The following BRDT variants were observed in gnomAD, a reference collection of about 807,000 sequenced individuals.
BRDT encodes bromodomain testis-specific protein.
In BRDT, 77 loss-of-function variants were observed where a neutral mutation model predicts 113.9. The ratio of observed to expected loss-of-function variants is 0.68; its 90% CI spans 0.56 to 0.82. The LOEUF is 0.82. Among genes scored for constraint, BRDT ranks in the 40% least tolerant of loss-of-function variants. The pLI is 0.00. For missense variants in BRDT, 1,027 were observed against 1,105.4 expected (o/e 0.93, Z 1.01); for synonymous variants, 358 against 366.5 (o/e 0.98, Z 0.26).
Position 92,005,128 on chromosome 1 carries a change from G to A in BRDT, c.2604G>A (p.Gly868=), listed in dbSNP as rs750770737. The A allele has an allele frequency of 1.3e-5, 19 of 1,484,484 alleles. No homozygotes were observed. The highest frequency in any genetic ancestry group is 1.7e-5 in the Non-Finnish European group (19 of 1,121,572). 92.0% of individuals were successfully genotyped at this position (1,484,484 alleles called of 1,614,324 possible). ...KASQENQRDL[G]NGLTVESFSN... ...ACTTTTTTTCTTTAAGGGATCTTGG[G>A]AATGGATTGACTGTAGAATCTTTTT... The change falls in exon 18 of 19, where the codon GGG becomes GGA. Residue 868 remains glycine (G), a synonymous_variant. Coordinates refer to ENST00000399546, the MANE Select transcript of BRDT (RefSeq NM_207189.4).
intron 1 of BRDT, among the ~76,000 whole-genome samples, chr1:91,961,803 T>A (rs1682477474): frequency 6.6e-6 from 1 of 152,148 alleles, no homozygotes; most frequent in African/African-American, 2.4e-5. Context: ...CTTTTCCTGC[T>A]AAGACCTCAA....
chr1:91,954,013 C>T (rs1032841594), intron 1 of BRDT, among the ~76,000 whole-genome samples: 4 of 151,808 alleles, frequency 2.6e-5, no homozygotes, highest in Non-Finnish European at 4.4e-5. Context: ...CCTCTGTTGC[C>T]CAGGCTAGAG....
chr1:91,985,860 G>A (rs1685186967), intron 12 of BRDT, among the ~76,000 whole-genome samples: 1 of 150,400 alleles, frequency 6.6e-6, no homozygotes, highest in Non-Finnish European at 1.5e-5. Context: ...GGATGGTCTC[G>A]ATCTCCTGAC....
At position 92,005,261 on chromosome 1, in the gene BRDT, G is replaced by A; in HGVS notation, c.2737G>A (p.Ala913Thr). The part of the protein sequence containing the change: ...KLWLLKDRDL[A>T]RQKEQERRRR... ...CTGGCTTCTCAAAGACCGTGATTTA[G>A]CAAGGCAGAAAGAACAAGAGAGGAG... Residue 913 changes from alanine (A) to threonine (T), a missense_variant, in exon 18 of 19, where the codon GCA becomes ACA. Physicochemically the swap from Ala to Thr is moderately conservative, Grantham distance 58 (BLOSUM62 0). Transcript: ENST00000399546. 1 of 1,581,404 alleles carries A rather than the reference G, an allele frequency of 6.3e-7. No individual in the cohort carries two copies. Among genetic ancestry groups the A allele is most frequent in the South Asian group, 1.2e-5 (1 of 84,816 alleles).
At chr1:91,991,116 G>T in intron 12 of BRDT, 68 bp from the exon 13 acceptor site, 1 of 1,065,196 alleles carries the variant, frequency 9.4e-7, no homozygotes, top group South Asian at 1.6e-5. Flanking sequence ...TTTCTAATAT[G>T]GAAAAATTAT....
chr1:91,987,050 A>T (rs1309794951), intron 12 of BRDT, among the ~76,000 whole-genome samples: 2 of 150,818 alleles, frequency 1.3e-5, no homozygotes, highest in African/African-American at 4.9e-5. Flanking sequence ...CCTTCCAATT[A>T]GCTGGGCAAC....
intron 18 of BRDT, among the ~76,000 whole-genome samples, chr1:92,006,607 C>T (rs1268694099): frequency 6.6e-6 from 1 of 151,732 alleles, no homozygotes; most frequent in Non-Finnish European, 1.5e-5. Context: ...GCTGGGATTA[C>T]AGGCGCACGC....
At chr1:91,984,157 G>A (rs896854665) in intron 12 of BRDT, among the ~76,000 whole-genome samples, 1 of 152,060 alleles carries the variant, frequency 6.6e-6, no homozygotes, top group Non-Finnish European at 1.5e-5. Flanking sequence ...AGACAAATGG[G>A]AAAAAATTAT....
intron 1 of BRDT, among the ~76,000 whole-genome samples, chr1:91,951,698 G>A (rs1408819905): frequency 6.6e-6 from 1 of 151,630 alleles, no homozygotes; most frequent in Non-Finnish European, 1.5e-5. Context: ...GCTTAAACCT[G>A]GAGGGGCGGA....
At chr1:91,965,848 A>T (rs906513496) in intron 3 of BRDT, among the ~76,000 whole-genome samples, 3 of 151,660 alleles carry the variant, frequency 2.0e-5, no homozygotes, top group African/African-American at 7.3e-5. Context: ...ACCTTCTCAA[A>T]AAAAAAAAAA....
intron 3 of BRDT, among the ~76,000 whole-genome samples, chr1:91,965,064 C>T (rs1682920877): frequency 6.6e-6 from 1 of 151,736 alleles, no homozygotes; most frequent in Non-Finnish European, 1.5e-5. Flanking sequence ...ACCCACCAAC[C>T]TGCCTGGCTA....
chr1:91,965,865 A>G (rs1055227091), intron 3 of BRDT, among the ~76,000 whole-genome samples: 5 of 150,698 alleles, frequency 3.3e-5, no homozygotes, highest in Non-Finnish European at 7.4e-5. Flanking sequence ...AAAAAAATCC[A>G]CCTTCCTGGG....
At chr1:91,986,934 T>C (rs1188634065) in intron 12 of BRDT, among the ~76,000 whole-genome samples, 2 of 117,208 alleles carry the variant, frequency 1.7e-5, no homozygotes, top group Admixed American at 2.2e-4. Context: ...TTTAGACTTT[T>C]ATAAATTCTT....
At chr1:91,968,030 A>C in intron 3 of BRDT, 116 bp from the exon 4 acceptor site, 1 of 949,170 alleles carries the variant, frequency 1.1e-6, no homozygotes, top group African/African-American at 1.6e-5. Context: ...TTTATAAGAG[A>C]TGAATACCGT....
chr1:92,012,075 G>A (rs1029748132), intron 18 of BRDT, among the ~76,000 whole-genome samples: 11 of 152,140 alleles, frequency 7.2e-5, no homozygotes, highest in African/African-American at 2.2e-4. Flanking sequence ...TTGAGAGGCC[G>A]AGGCAGGCAG....
intron 15 of BRDT, 29 bp from the exon 16 acceptor site, chr1:92,002,020 T>TA: frequency 6.8e-7 from 1 of 1,469,390 alleles, no homozygotes; most frequent in South Asian, 1.2e-5. Context: ...ATATTTTAAT[T>TA]ATACTATTCT....
rs1202046812 is a variant in BRDT, at chr1:91,991,200, T to C, written c.2019T>C (p.Phe673=). The change falls in exon 13 of 19, where the codon TTT becomes TTC. Residue 673 remains phenylalanine (F), a synonymous_variant. Coordinates refer to ENST00000399546, the MANE Select transcript of BRDT (RefSeq NM_207189.4). The part of the protein sequence containing the change: ...SDSESEMFPK[F]TEVKPNDSPS... ...CATTTGCAGAAATGTTCCCTAAGTTTACAGAAGTAAAACCAAATGATTCTC... is the reference window on the plus strand; with the variant it reads ...CATTTGCAGAAATGTTCCCTAAGTTCACAGAAGTAAAACCAAATGATTCTC... 1 of 1,541,642 alleles carries C rather than the reference T, an allele frequency of 6.5e-7. No individual in the cohort carries two copies. The highest frequency in any genetic ancestry group is 8.9e-7 in the Non-Finnish European group (1 of 1,126,346).
chr1:91,977,121 C>A lies in BRDT; in HGVS notation c.697C>A (p.Pro233Thr). ...SAVKASSEFS[P>T]TFTEKSVALP... ...AGTTAAAGCAAGTAGTGAATTTTCT[C>A]CAACATTCACAGAAAAATCAGTGGC... is the stretch of plus-strand genomic sequence containing the variant. The change falls in exon 6 of 19, where the codon CCA becomes ACA. Residue 233 changes from proline to threonine, a missense_variant. Transcript: ENST00000399546. 1 of 1,613,702 alleles carries A rather than the reference C, an allele frequency of 6.2e-7. No homozygotes were observed. Among genetic ancestry groups the A allele is most frequent in the Admixed American group, 1.7e-5 (1 of 59,980 alleles).
At chr1:92,007,247 T>C (rs1687397334) in intron 18 of BRDT, among the ~76,000 whole-genome samples, 1 of 152,220 alleles carries the variant, frequency 6.6e-6, no homozygotes, top group African/African-American at 2.4e-5. Flanking sequence ...TGTTAACTTT[T>C]GTTTTAGGTT....
Sources: gnomAD v4.1 joint callset for allele counts (sites outside exome capture counted in the v4.1 genomes callset) on GRCh38, gnomAD v4.1.1 for gene constraint, MANE v1.5 for transcripts, NCBI Gene and HGNC (gene_info 2026-07-23, HGNC 2026-07-21) for gene names.